The following KLHL3 variants were observed in gnomAD, a reference collection of about 807,000 sequenced individuals.
KLHL3 encodes the protein kelch like family member 3, also known as kelch-like protein 3.
KLHL3 carries 19 observed loss-of-function variants against 70.5 expected under a neutral mutation model. The observed-to-expected ratio is 0.27, with a 90% CI of 0.19 to 0.40. The LOEUF (loss-of-function observed/expected upper bound fraction) is 0.40, where lower values mean the gene tolerates loss of function less well. Ranked by LOEUF, KLHL3 falls within the 10% of genes least tolerant of loss-of-function variation. KLHL3 has a pLI of 1.00. For synonymous variants in KLHL3, 258 were observed against 290.3 expected (o/e 0.89, Z 1.13); for missense variants, 512 against 771.1 (o/e 0.66, Z 3.98).
At chr5:137,694,372 TC>T (rs1752395693) in intron 4 of KLHL3, among the ~76,000 whole-genome samples, 1 of 152,184 alleles carries the variant, frequency 6.6e-6, no homozygotes, top group African/African-American at 2.4e-5. Context: ...AAAATCACCC[TC>T]TTCTGAAAGT....
Position 137,639,182 on chromosome 5 carries a change from A to T in KLHL3, c.1022-32T>A. 1 of 1,606,430 alleles carries T rather than the reference A, an allele frequency of 6.2e-7. No individual in the cohort carries two copies. The highest frequency in any genetic ancestry group is 1.3e-5 in the African/African-American group (1 of 74,872). ...CACAGGAAACCAAGACATCAAGGTC[A>T]GGTCAGGCGCATGACTGCTCATGTT... On this transcript the variant is annotated intron_variant, in intron 9 of 14. Transcript: ENST00000309755. The surrounding 1 kb of genome is among the most constrained non-coding windows in gnomAD (Gnocchi z 5.0).
intron 5 of KLHL3, among the ~76,000 whole-genome samples, chr5:137,682,060 G>A (rs747410298): frequency 1.2e-4 from 18 of 152,120 alleles, no homozygotes; most frequent in Non-Finnish European, 2.9e-5. Context: ...GGGTCTCGGA[G>A]ACAGTTGAGG....
intron 2 of KLHL3, among the ~76,000 whole-genome samples, chr5:137,716,218 CT>C (rs879881518): frequency 3.1e-3 from 441 of 141,288 alleles, no homozygotes; most frequent in East Asian, 0.016. Context: ...ACGTAAATTT[CT>C]TTTTTTTTTT....
At chr5:137,720,749 C>A in intron 1 of KLHL3, 165 bp from the exon 2 acceptor site, 1 of 1,442,132 alleles carries the variant, frequency 6.9e-7, no homozygotes, top group Non-Finnish European at 9.1e-7. Context: ...TTCTTCATAT[C>A]TTCCAAAGCA....
chr5:137,625,483 A>G (rs1356391721), intron 14 of KLHL3, among the ~76,000 whole-genome samples: 2 of 152,210 alleles, frequency 1.3e-5, no homozygotes, highest in Non-Finnish European at 2.9e-5. Flanking sequence ...AAGTGGTTCG[A>G]TGGAATGAAT....
intron 8 of KLHL3, chr5:137,647,591 CG>C (rs1240535437): frequency 2.1e-6 from 1 of 472,330 alleles, no homozygotes; most frequent in Admixed American, 2.3e-5. Context: ...GTCGGTCCCT[CG>C]GGCCAGGGCA....
chr5:137,682,396 C>T (rs377620705), intron 5 of KLHL3, among the ~76,000 whole-genome samples: 19 of 68,524 alleles, frequency 2.8e-4, no homozygotes, highest in African/African-American at 9.9e-4. Context: ...CTCAGGGGTG[C>T]TGGACATAGA....
At chr5:137,673,043 G>A (rs532177061) in intron 6 of KLHL3, 7 of 152,222 alleles carry the variant, frequency 4.6e-5, no homozygotes, top group Admixed American at 2.6e-4. Flanking sequence ...ATGACTCTAC[G>A]GTCTAAGAAG....
rs1180676823 is a variant in KLHL3 at position 137,687,929 on chromosome 5, G to A, written c.526+4356C>T. Among the ~76,000 whole-genome samples the A allele has an allele frequency of 8.7e-5, 3 of 34,612 alleles. 1 individual carries two copies. Among genetic ancestry groups the A allele is most frequent in the Non-Finnish European group, 1.5e-4 (3 of 19,608 alleles). 22.7% of individuals were successfully genotyped at this position (34,612 alleles called of 152,430 possible). A position where few individuals can be genotyped will look rare whatever the true frequency, so the allele number is the denominator to read the frequency against. ...CTCAGGGTTAAATGGATTAAGGGCG[G>A]TGCAAGATGTGCTTTGTTAAACAGA... is the stretch of plus-strand genomic sequence containing the variant. On this transcript the variant is annotated intron_variant, in intron 5 of 14. Transcript: ENST00000309755.
At chr5:137,680,766 A>T (rs1752005000) in intron 5 of KLHL3, among the ~76,000 whole-genome samples, 1 of 151,392 alleles carries the variant, frequency 6.6e-6, no homozygotes, top group South Asian at 2.1e-4. Context: ...CTGGTCTCGA[A>T]CTCCTGACCT....
In KLHL3 at chr5:137,687,305, G is replaced by A. The variant is rs1353026001; in HGVS notation, c.526+4980C>T. On this transcript the variant is annotated intron_variant, in intron 5 of 14. Coordinates refer to ENST00000309755, the MANE Select transcript of KLHL3 (RefSeq NM_017415.3). The stretch of plus-strand genomic sequence containing the variant: ...AGGGAGGTGGGGGGGTCAGCCCCCC[G>A]CCCGGCTGGCTGCCCCGTCCGGGAG... 6.0e-3 allele frequency among the ~76,000 whole-genome samples: 210 copies of A among 34,772 alleles called. 48 individuals are homozygous for A. Among genetic ancestry groups the A allele is most frequent in the African/African-American group, 0.035 (199 of 5,758 alleles). 22.8% of individuals were successfully genotyped at this position (34,772 alleles called of 152,430 possible).
chr5:137,658,501 C>T (rs766350209), intron 7 of KLHL3, among the ~76,000 whole-genome samples: 19 of 152,206 alleles, frequency 1.2e-4, no homozygotes, highest in Non-Finnish European at 2.2e-4. Flanking sequence ...CACTACTTAA[C>T]GTCTCTGATC....
At chr5:137,654,896 G>C (rs1434431144) in intron 8 of KLHL3, among the ~76,000 whole-genome samples, 1 of 152,180 alleles carries the variant, frequency 6.6e-6, no homozygotes, top group Non-Finnish European at 1.5e-5. Context: ...ATGGAACAGG[G>C]GTGATGGTGG....
At position 137,735,993 on chromosome 5, in the gene KLHL3, C is replaced by G; in HGVS notation, c.-347G>C. 2.4e-6 allele frequency: 1 copy of G among 418,228 alleles called. No individual in the cohort carries two copies. Among genetic ancestry groups the G allele is most frequent in the East Asian group, 5.0e-5 (1 of 19,964 alleles). The allele number at this position is 418,228 out of a possible 1,614,324, so 25.9% of individuals were successfully genotyped here. On this transcript the variant is annotated 5_prime_UTR_variant, in exon 1 of 15. Coordinates refer to ENST00000309755, the MANE Select transcript of KLHL3 (RefSeq NM_017415.3). ...CTCCAGCGACCCAGGTGCACTGCCA[C>G]CTTTCCAGCTTCCTCTGCATCTGCC... is the stretch of plus-strand genomic sequence containing the variant.
rs565110445 is a variant in KLHL3 at position 137,628,273 on chromosome 5, G to A, written c.1591+24C>T. The A allele has an allele frequency of 3.1e-6, 5 of 1,613,564 alleles. No individual in the cohort carries two copies. The South Asian group carries it at 3.3e-5, about 11-fold the overall frequency. Reference sequence around the variant, plus strand: ...AGAAAAGGCACACAACCCCCAAAGGGGAGATGGAGAGAGCAGTCATTACCT... The same window carrying A: ...AGAAAAGGCACACAACCCCCAAAGGAGAGATGGAGAGAGCAGTCATTACCT... On this transcript the variant is annotated intron_variant, in intron 13 of 14. Coordinates refer to ENST00000309755, the MANE Select transcript of KLHL3 (RefSeq NM_017415.3).
rs534709187 is a variant in KLHL3, at chr5:137,637,885, G to A, written c.1220-490C>T. Among the ~76,000 whole-genome samples the A allele has an allele frequency of 3.9e-4, 59 of 152,286 alleles. 2 individuals are homozygous for A. In the South Asian group the frequency reaches 0.011, roughly 27 times the overall value. On this transcript the variant is annotated intron_variant, in intron 10 of 14. Transcript: ENST00000309755. ...AAACAGCCTTTGCTTTTCTAATATA[G>A]ATACCATTCCCCTTTTTGATTCTTG...
intron 5 of KLHL3, among the ~76,000 whole-genome samples, chr5:137,690,943 A>C (rs1186643891): frequency 6.6e-6 from 1 of 152,242 alleles, no homozygotes; most frequent in Non-Finnish European, 1.5e-5. Context: ...GAATTTATCA[A>C]GTTAAATGAT....
chr5:137,673,761 C>G (rs912382088), intron 6 of KLHL3: 1 of 152,168 alleles, frequency 6.6e-6, no homozygotes, highest in African/African-American at 2.4e-5. Flanking sequence ...ACAAAGATGA[C>G]TAAGGTACCC....
chr5:137,674,505 C>T (rs1751838923), intron 6 of KLHL3, among the ~76,000 whole-genome samples: 1 of 152,162 alleles, frequency 6.6e-6, no homozygotes, highest in Admixed American at 6.5e-5. Context: ...ATTACATTTC[C>T]TCTATTTTAA....
Sources: gnomAD v4.1 joint callset for allele counts (sites outside exome capture counted in the v4.1 genomes callset) on GRCh38, gnomAD v4.1.1 for gene constraint, Gnocchi (gnomAD v3.1) non-coding constraint, MANE v1.5 for transcripts, NCBI Gene and HGNC (gene_info 2026-07-23, HGNC 2026-07-21) for gene names.